The following KCNJ3 variants were observed in gnomAD, a reference collection of about 807,000 sequenced individuals.
KCNJ3 encodes potassium inwardly rectifying channel subfamily J member 3, also known as G protein-activated inward rectifier potassium channel 1.
In KCNJ3, 4 loss-of-function variants were observed where a neutral mutation model predicts 39.2. The ratio of observed to expected loss-of-function variants is 0.10; its 90% CI spans 0.05 to 0.23. The LOEUF (loss-of-function observed/expected upper bound fraction) is 0.23. Among genes scored for constraint, KCNJ3 ranks in the 10% least tolerant of loss-of-function variants. The pLI, the probability that KCNJ3 is intolerant of heterozygous loss-of-function variation, is 1.00. For missense variants in KCNJ3, 276 were observed against 634.9 expected (o/e 0.43, Z 6.08); for synonymous variants, 230 against 237.4 (o/e 0.97, Z 0.29).
chr2:154,702,091 A>G (rs1684908703), intron 1 of KCNJ3, among the ~76,000 whole-genome samples: 1 of 152,044 alleles, frequency 6.6e-6, no homozygotes, highest in Non-Finnish European at 1.5e-5. Context: ...GTATTTTTAA[A>G]TAGAAGCTAT....
At chr2:154,785,470 G>T (rs766548192) in intron 2 of KCNJ3, among the ~76,000 whole-genome samples, 1 of 152,124 alleles carries the variant, frequency 6.6e-6, no homozygotes, top group Non-Finnish European at 1.5e-5. Context: ...TGAAGAGGTG[G>T]GGCCTTTAAG....
intron 2 of KCNJ3, among the ~76,000 whole-genome samples, chr2:154,727,192 T>C (rs1046020060): frequency 6.6e-5 from 10 of 152,244 alleles, no homozygotes; most frequent in Middle Eastern, 3.4e-3. Context: ...AACTTCTATT[T>C]TACTAGTTCT....
At chr2:154,730,800 A>T (rs1001798019) in intron 2 of KCNJ3, among the ~76,000 whole-genome samples, 3 of 152,098 alleles carry the variant, frequency 2.0e-5, no homozygotes, top group African/African-American at 7.2e-5. Flanking sequence ...CTCATCATAG[A>T]TTAAAAATGC....
rs1558892930 is a variant in KCNJ3 at position 154,855,486 on chromosome 2, C to CGGAG, written c.*179_*182dup. 1.8e-6 allele frequency: 1 copy of CGGAG among 563,200 alleles called. No homozygotes were observed. Among genetic ancestry groups the CGGAG allele is most frequent in the African/African-American group, 1.9e-5 (1 of 53,304 alleles). 34.9% of individuals were successfully genotyped at this position (563,200 alleles called of 1,614,324 possible). On this transcript the variant is annotated 3_prime_UTR_variant, in exon 3 of 3. Coordinates refer to ENST00000295101, the MANE Select transcript of KCNJ3 (RefSeq NM_002239.4). ...GCGAATGTGCAGAAAGCAACAGTTACGGAGGGAGGACATCATAAGGAAGTT... is the reference window on the plus strand; with the variant it reads ...GCGAATGTGCAGAAAGCAACAGTTACGGAGGGAGGGAGGACATCATAAGGAAGTT...
intron 2 of KCNJ3, among the ~76,000 whole-genome samples, chr2:154,846,459 T>C (rs751271129): frequency 6.7e-4 from 102 of 152,184 alleles, no homozygotes; most frequent in Non-Finnish European, 1.2e-3. Context: ...GTTATATCAT[T>C]TGTAGTCACA....
chr2:154,820,448 T>C (rs1318157900), intron 2 of KCNJ3, among the ~76,000 whole-genome samples: 4 of 152,192 alleles, frequency 2.6e-5, no homozygotes, highest in Non-Finnish European at 2.9e-5. Flanking sequence ...GTACTTAATA[T>C]TGTATCACAT....
chr2:154,739,256 A>G (rs1574442179), intron 2 of KCNJ3, among the ~76,000 whole-genome samples: 1 of 152,188 alleles, frequency 6.6e-6, no homozygotes, highest in Non-Finnish European at 1.5e-5. Flanking sequence ...TTATTTTTAT[A>G]CGATAACCAC....
At chr2:154,845,768 C>T (rs975220390) in intron 2 of KCNJ3, among the ~76,000 whole-genome samples, 24 of 151,982 alleles carry the variant, frequency 1.6e-4, no homozygotes, top group Non-Finnish European at 2.6e-4. Context: ...GTCAGGAGTT[C>T]GAGACCAGCC....
chr2:154,765,972 G>A (rs546175696), intron 2 of KCNJ3, among the ~76,000 whole-genome samples: 19 of 152,182 alleles, frequency 1.2e-4, no homozygotes, highest in Admixed American at 3.9e-4. Flanking sequence ...ACGGTGTGGC[G>A]CCAAACAGTT....
chr2:154,699,503 C>T lies in KCNJ3; in HGVS notation c.702+26C>T, dbSNP rs780335059. 1 of 1,539,294 alleles carries T rather than the reference C, an allele frequency of 6.5e-7. No individual in the cohort carries two copies. Among genetic ancestry groups the T allele is most frequent in the Non-Finnish European group, 8.7e-7 (1 of 1,146,986 alleles). On this transcript the variant is annotated intron_variant, in intron 1 of 2. Coordinates refer to ENST00000295101, the MANE Select transcript of KCNJ3 (RefSeq NM_002239.4). This position sits in a 1 kb window ranked among gnomAD's most constrained non-coding sequence, Gnocchi z 6.4. ...GTAAGTGCTCCCCGCCCCTTCCCCA[C>T]CGGGAGACCTGCGTCCCCCAAACCC...
intron 2 of KCNJ3, among the ~76,000 whole-genome samples, chr2:154,766,741 A>C (rs1348837186): frequency 1.3e-5 from 2 of 151,928 alleles, no homozygotes; most frequent in Non-Finnish European, 2.9e-5. Context: ...TTTTCAGTAG[A>C]GATGGGGTTT....
intron 2 of KCNJ3, among the ~76,000 whole-genome samples, chr2:154,842,063 C>G (rs1206207031): frequency 6.6e-6 from 1 of 152,164 alleles, no homozygotes; most frequent in African/African-American, 2.4e-5. Flanking sequence ...TTCCTGCTTT[C>G]TCTTGTGGGC....
intron 1 of KCNJ3, among the ~76,000 whole-genome samples, chr2:154,703,965 G>T (rs1684954830): frequency 6.6e-6 from 1 of 152,044 alleles, no homozygotes; most frequent in Non-Finnish European, 1.5e-5. Context: ...ATGCTCAGGA[G>T]CTAGGTCCTG....
intron 2 of KCNJ3, among the ~76,000 whole-genome samples, chr2:154,832,000 TG>T (rs1305074261): frequency 6.6e-6 from 1 of 152,082 alleles, no homozygotes; most frequent in East Asian, 1.9e-4. Flanking sequence ...AGAGATCATG[TG>T]GTGACAAAGG....
At chr2:154,830,768 T>G (rs1171897848) in intron 2 of KCNJ3, among the ~76,000 whole-genome samples, 1 of 144,102 alleles carries the variant, frequency 6.9e-6, no homozygotes. Context: ...ATTTTTCTCA[T>G]TCTACTGGCT....
At chr2:154,821,492 T>C (rs373615993) in intron 2 of KCNJ3, among the ~76,000 whole-genome samples, 70 of 152,278 alleles carry the variant, frequency 4.6e-4, no homozygotes, top group African/African-American at 1.6e-3. Context: ...TGCACAGTAA[T>C]TGAAACAAGA....
At chr2:154,711,351 G>T (rs934104927) in intron 2 of KCNJ3, among the ~76,000 whole-genome samples, 3 of 151,856 alleles carry the variant, frequency 2.0e-5, no homozygotes, top group Non-Finnish European at 4.4e-5. Context: ...ATTTCTTATG[G>T]CATATGGTTC....
At chr2:154,715,502 A>G (rs1685167252) in intron 2 of KCNJ3, among the ~76,000 whole-genome samples, 2 of 152,320 alleles carry the variant, frequency 1.3e-5, no homozygotes, top group South Asian at 4.1e-4. Flanking sequence ...TTCCCTGGGC[A>G]CTTTAATCCA....
chr2:154,778,288 T>C (rs1483659546), intron 2 of KCNJ3, among the ~76,000 whole-genome samples: 2 of 152,180 alleles, frequency 1.3e-5, no homozygotes, highest in African/African-American at 4.8e-5. Flanking sequence ...TGTTCTTTTA[T>C]TAAAACAAAG....
Sources: allele counts gnomAD v4.1 joint callset (sites outside exome capture counted in the v4.1 genomes callset), GRCh38; gene constraint gnomAD v4.1.1; non-coding constraint Gnocchi (gnomAD v3.1); transcripts MANE v1.5; gene names NCBI Gene and HGNC (gene_info 2026-07-23, HGNC 2026-07-21).